The following PCDHA2 variants were observed in gnomAD, a reference collection of about 807,000 sequenced individuals.
PCDHA2 encodes the protein protocadherin alpha 2.
In PCDHA2, 58 loss-of-function variants were observed where a neutral mutation model predicts 66.0. That is an observed-to-expected ratio of 0.88 (90% confidence interval 0.71 to 1.09). The LOEUF is 1.09. Among genes scored for constraint, PCDHA2 ranks in the 50% least tolerant of loss-of-function variants. The probability of loss-of-function intolerance (pLI) is 0.00; values close to 1 mark genes in which losing one functional copy is unlikely to be tolerated. For missense variants in PCDHA2, 1,267 were observed against 1,242.3 expected, an observed-to-expected ratio of 1.02 and a Z score of -0.30; for synonymous variants, 634 against 554.0, an observed-to-expected ratio of 1.14 and a Z score of -2.03.
intron 1 of PCDHA2, among the ~76,000 whole-genome samples, chr5:140,924,969 A>C (rs781957377): frequency 5.3e-5 from 8 of 151,756 alleles, no homozygotes. Flanking sequence ...AGGTGAGTGC[A>C]GTGGCTCATG....
intron 1 of PCDHA2, chr5:140,927,441 G>A: frequency 5.0e-6 from 8 of 1,614,130 alleles, no homozygotes; most frequent in Non-Finnish European, 4.2e-6. Context: ...GCGAATACCC[G>A]GAGTTGGTGT....
rs556593659 is a variant in PCDHA2, at chr5:140,966,652, G to A, written c.2389-12297G>A. ...CCCAGGCGCTTTCTAGAGCGTGAGC[G>A]GTGGGGGAGCAGGCGCAGGGTGGCA... On this transcript the variant is annotated intron_variant, in intron 1 of 3. Coordinates refer to ENST00000526136, the MANE Select transcript of PCDHA2 (RefSeq NM_018905.3). 1.0e-5 allele frequency: 12 copies of A among 1,169,200 alleles called. No homozygotes were observed. In the Admixed American group the frequency reaches 2.0e-4, roughly 19 times the overall value. The allele number at this position is 1,169,200 out of a possible 1,614,324, so 72.4% of individuals were successfully genotyped here.
Position 140,960,269 on chromosome 5 carries a change from G to A in PCDHA2, c.2389-18680G>A, listed in dbSNP as rs148980300. On this transcript the variant is annotated intron_variant, in intron 1 of 3. Transcript: ENST00000526136. ...CTTCCTGGAGCTTCTGATAAATTCC[G>A]TCACCTTTTTGGGACCCAGTTTCTT... is the stretch of plus-strand genomic sequence containing the variant. Among the ~76,000 whole-genome samples, 355 of 152,162 alleles carry A rather than the reference G, an allele frequency of 2.3e-3. 1 individual carries two copies. The highest frequency in any genetic ancestry group is 7.0e-3 in the African/African-American group (290 of 41,548).
chr5:140,823,662 G>A (rs1385284289), intron 1 of PCDHA2: 4 of 1,613,946 alleles, frequency 2.5e-6, no homozygotes, highest in African/African-American at 2.7e-5. Context: ...ACACAGGCGA[G>A]ATCAGCACAA....
intron 1 of PCDHA2, among the ~76,000 whole-genome samples, chr5:140,901,039 A>G (rs1317910770): frequency 4.6e-5 from 7 of 152,086 alleles, no homozygotes; most frequent in Non-Finnish European, 8.8e-5. Flanking sequence ...TCTTTTGCCC[A>G]TTTTAAAATT....
intron 1 of PCDHA2, chr5:140,829,266 A>T: frequency 6.2e-7 from 1 of 1,614,248 alleles, no homozygotes; most frequent in South Asian, 1.1e-5. Context: ...CTGACGCCTC[A>T]CGTCCCTTTC....
At chr5:140,994,811 A>G (rs1283053490) in intron 3 of PCDHA2, among the ~76,000 whole-genome samples, 1 of 152,194 alleles carries the variant, frequency 6.6e-6, no homozygotes, top group Non-Finnish European at 1.5e-5. Context: ...ACAAAATACA[A>G]AAAACTGAAT....
At chr5:140,842,986 G>T in intron 1 of PCDHA2, 1 of 1,595,006 alleles carries the variant, frequency 6.3e-7, no homozygotes, top group Admixed American at 1.7e-5. Context: ...AGGTGTTCGT[G>T]CTGGACGAGA....
At chr5:140,823,196 T>A in intron 1 of PCDHA2, 1 of 1,613,812 alleles carries the variant, frequency 6.2e-7, no homozygotes, top group Non-Finnish European at 8.5e-7. Flanking sequence ...TGCCACATCT[T>A]CACGGTGTCT....
chr5:140,882,070 CA>C, intron 1 of PCDHA2: 1 of 854,288 alleles, frequency 1.2e-6, no homozygotes, highest in Non-Finnish European at 1.8e-6. Flanking sequence ...CGTTCATGCG[CA>C]TGGTGTCGCT....
intron 1 of PCDHA2, among the ~76,000 whole-genome samples, chr5:140,946,015 G>A (rs246056): frequency 0.57 from 86,078 of 151,518 alleles, 25,094 homozygotes; most frequent in African/African-American, 0.71. Context: ...AAGCTCCTGC[G>A]CAGCAAAGAA....
chr5:140,846,690 C>A (rs1189779221), intron 1 of PCDHA2, among the ~76,000 whole-genome samples: 2 of 149,102 alleles, frequency 1.3e-5, no homozygotes, highest in African/African-American at 4.9e-5. Context: ...GCTTTCTTAG[C>A]AAGTAGAGAA....
Position 140,928,590 on chromosome 5 carries a change from A to G in PCDHA2, c.2389-50359A>G, listed in dbSNP as rs78699363. The G allele has an allele frequency of 6.8e-4, 1,101 of 1,614,224 alleles. 1 individual carries two copies. Among genetic ancestry groups the G allele is most frequent in the Non-Finnish European group, 8.8e-4 (1,041 of 1,180,028 alleles). On this transcript the variant is annotated intron_variant, in intron 1 of 3. Coordinates refer to ENST00000526136, the MANE Select transcript of PCDHA2 (RefSeq NM_018905.3). ...CCTTGCCCAGAAATGGTTCTGTCCC[A>G]GTGGAAATTGTGCCCCGCTCTGCCA...
chr5:140,844,668 T>C lies in PCDHA2; in HGVS notation c.2388+47316T>C, dbSNP rs2150373115. Among the ~76,000 whole-genome samples, 20 of 149,718 alleles carry C rather than the reference T, an allele frequency of 1.3e-4. 1 individual carries two copies. The highest frequency in any genetic ancestry group is 4.9e-4 in the African/African-American group (20 of 40,994). On this transcript the variant is annotated intron_variant, in intron 1 of 3. Transcript: ENST00000526136. ...TCATTCTTGCAAACCAAACATATAA[T>C]TTATAAATCCTTATTATACAGAATA... is the stretch of plus-strand genomic sequence containing the variant.
At chr5:140,869,703 G>A in intron 1 of PCDHA2, 1 of 1,613,428 alleles carries the variant, frequency 6.2e-7, no homozygotes, top group Non-Finnish European at 8.5e-7. Context: ...AGAAGTCTCT[G>A]GATAGAGAGA....
At position 140,828,473 on chromosome 5, in the gene PCDHA2, G is replaced by C. The variant is rs1269610304; in HGVS notation, c.2388+31121G>C. On this transcript the variant is annotated intron_variant, in intron 1 of 3. Coordinates refer to ENST00000526136, the MANE Select transcript of PCDHA2 (RefSeq NM_018905.3). The stretch of plus-strand genomic sequence containing the variant: ...GGACGTGGAGGTGAGGGACATTAAC[G>C]ACAACCCGCCCTTGTTCCCGGTAGA... 7 of 1,614,130 alleles carry C rather than the reference G, an allele frequency of 4.3e-6. No homozygotes were observed. In the Admixed American group the frequency reaches 6.7e-5, roughly 15 times the overall value.
chr5:140,999,922 C>T (rs2097883458), intron 3 of PCDHA2, among the ~76,000 whole-genome samples: 1 of 152,154 alleles, frequency 6.6e-6, no homozygotes, highest in Non-Finnish European at 1.5e-5. Context: ...AATCTTCTTC[C>T]AGCTCAACTC....
At chr5:140,911,037 C>A (rs1432446373) in intron 1 of PCDHA2, among the ~76,000 whole-genome samples, 3 of 152,012 alleles carry the variant, frequency 2.0e-5, no homozygotes, top group Non-Finnish European at 4.4e-5. Context: ...GGTCTAGAAG[C>A]AAACAGGGGT....
At chr5:140,963,517 T>C (rs2095769422) in intron 1 of PCDHA2, among the ~76,000 whole-genome samples, 1 of 152,238 alleles carries the variant, frequency 6.6e-6, no homozygotes, top group East Asian at 1.9e-4. Flanking sequence ...GGGGTTCTCA[T>C]AACAGAAGTC....
Sources: gnomAD v4.1 joint callset for allele counts (sites outside exome capture counted in the v4.1 genomes callset) on GRCh38, gnomAD v4.1.1 for gene constraint, MANE v1.5 for transcripts, NCBI Gene and HGNC (gene_info 2026-07-23, HGNC 2026-07-21) for gene names.